Variants in CDH10 observed in about 807,000 individuals in gnomAD.
CDH10 encodes cadherin 10.
Under a neutral mutation model 73.1 loss-of-function variants are expected in CDH10, and 30 were observed. That is an observed-to-expected ratio of 0.41 (90% CI 0.31 to 0.56). CDH10 has a LOEUF of 0.56. CDH10 is among the 20% of genes least tolerant of loss of function. CDH10 has a pLI of 0.27. For missense variants in CDH10, 815 were observed against 973.7 expected, an observed-to-expected ratio of 0.84 and a Z score of 2.17; for synonymous variants, 345 against 348.2, an observed-to-expected ratio of 0.99 and a Z score of 0.10.
intron 8 of CDH10, among the ~76,000 whole-genome samples, chr5:24,501,682 T>TAAAA (rs1742501696): frequency 6.6e-6 from 1 of 152,146 alleles, no homozygotes; most frequent in Non-Finnish European, 1.5e-5. Context: ...TAGAAAAATA[T>TAAAA]AACTGTTTTA....
chr5:24,621,515 T>C (rs1254768667), intron 1 of CDH10, among the ~76,000 whole-genome samples: 1 of 152,056 alleles, frequency 6.6e-6, no homozygotes, highest in Non-Finnish European at 1.5e-5. Context: ...AATAACCACA[T>C]GGAAAAAGTA....
At chr5:24,586,699 C>T (rs921465760) in intron 2 of CDH10, among the ~76,000 whole-genome samples, 2 of 151,740 alleles carry the variant, frequency 1.3e-5, no homozygotes, top group Non-Finnish European at 2.9e-5. Flanking sequence ...CCCGCCTTGA[C>T]CTCCCAAAGT....
chr5:24,619,056 G>A (rs990853787), intron 1 of CDH10, among the ~76,000 whole-genome samples: 11 of 152,174 alleles, frequency 7.2e-5, no homozygotes, highest in Admixed American at 2.0e-4. Flanking sequence ...CTTTTGAAAT[G>A]GTAATGTCTA....
chr5:24,639,356 T>G (rs140502995), intron 1 of CDH10, among the ~76,000 whole-genome samples: 2,081 of 151,772 alleles, frequency 0.014, 46 homozygotes, highest in African/African-American at 0.047. Context: ...GTATTAATAT[T>G]ATGTACAAAA....
intron 5 of CDH10, among the ~76,000 whole-genome samples, chr5:24,527,320 CTT>C (rs35135068): frequency 0.024 from 3,568 of 147,162 alleles, 126 homozygotes; most frequent in African/African-American, 0.074. Context: ...AATATACAGT[CTT>C]ATATATATTT....
Position 24,586,843 on chromosome 5 carries a change from C to CTTTT in CDH10, c.231+6413_231+6416dup, listed in dbSNP as rs1001227038. Among the ~76,000 whole-genome samples the CTTTT allele has an allele frequency of 1.0e-2, 1,022 of 102,704 alleles. 100 individuals carry two copies. The highest frequency in any genetic ancestry group is 0.037 in the African/African-American group (881 of 23,730). The allele number at this position is 102,704 out of a possible 152,430, so 67.4% of individuals were successfully genotyped here. On this transcript the variant is annotated intron_variant, in intron 2 of 11. Transcript: ENST00000264463. The stretch of plus-strand genomic sequence containing the variant: ...GTAAAACAATAAGATAGCCCATATT[C>CTTTT]TTTTTTTTTTTTTTTTTTTGAGCCG...
At chr5:24,609,227 G>T (rs556833947) in intron 1 of CDH10, among the ~76,000 whole-genome samples, 1 of 152,276 alleles carries the variant, frequency 6.6e-6, no homozygotes, top group African/African-American at 2.4e-5. Context: ...ATAGAATGCA[G>T]ATCATCAAAG....
chr5:24,643,935 C>T (rs895638530), intron 1 of CDH10, among the ~76,000 whole-genome samples: 1 of 152,140 alleles, frequency 6.6e-6, no homozygotes, highest in African/African-American at 2.4e-5. Flanking sequence ...CTGCTGACTA[C>T]ATGCATTTAC....
At chr5:24,575,288 G>C (rs1327283073) in intron 2 of CDH10, among the ~76,000 whole-genome samples, 3 of 137,824 alleles carry the variant, frequency 2.2e-5, no homozygotes, top group Non-Finnish European at 3.3e-5. Flanking sequence ...CTTGAACCCG[G>C]GAGGCAGAGG....
intron 1 of CDH10, among the ~76,000 whole-genome samples, chr5:24,599,035 T>C (rs1301613034): frequency 1.3e-5 from 2 of 152,122 alleles, no homozygotes; most frequent in African/African-American, 4.8e-5. Context: ...AAGAATAGCA[T>C]CCAAGAGTTC....
chr5:24,553,559 A>T (rs1744627562), intron 2 of CDH10, among the ~76,000 whole-genome samples: 1 of 152,088 alleles, frequency 6.6e-6, no homozygotes, highest in Non-Finnish European at 1.5e-5. Flanking sequence ...CCTCTATTGA[A>T]ATTTTTATGA....
chr5:24,492,883 C>T lies in CDH10; in HGVS notation c.1558G>A (p.Gly520Ser). Residue 520 changes from glycine (G) to serine (S), a missense_variant, in exon 10 of 12, where the codon GGT becomes AGT. Around this residue, in one of 3 missense-constraint regions of CDH10, gnomAD observed 516 missense variants for 636.6 expected, o/e 0.81. Transcript: ENST00000264463. ...AAACTGAAAAAAAATTTCTGTCCAC[C>T]TAAAGGGTCATCTTTGTCTACTGCA... ...ISAVDKDDPL[G>S]GQKFFFSLAA... 3.2e-6 allele frequency: 5 copies of T among 1,584,148 alleles called. No individual in the cohort carries two copies. Among genetic ancestry groups the T allele is most frequent in the Non-Finnish European group, 4.3e-6 (5 of 1,153,060 alleles).
chr5:24,587,707 A>G (rs1746070494), intron 2 of CDH10, among the ~76,000 whole-genome samples: 1 of 145,530 alleles, frequency 6.9e-6, no homozygotes, highest in South Asian at 2.3e-4. Context: ...CTGTATGTGA[A>G]AAAATGATTG....
intron 2 of CDH10, among the ~76,000 whole-genome samples, chr5:24,592,969 T>C (rs1212766796): frequency 5.9e-5 from 9 of 151,784 alleles, no homozygotes; most frequent in African/African-American, 1.9e-4. Context: ...TATAGGTTTC[T>C]CACTATCATT....
intron 1 of CDH10, among the ~76,000 whole-genome samples, chr5:24,624,267 C>G (rs1297133132): frequency 6.6e-6 from 1 of 152,034 alleles, no homozygotes; most frequent in Non-Finnish European, 1.5e-5. Context: ...TCTGATGCCA[C>G]CCTTGAAAGT....
At chr5:24,508,484 T>C (rs986981814) in intron 7 of CDH10, among the ~76,000 whole-genome samples, 1 of 152,204 alleles carries the variant, frequency 6.6e-6, no homozygotes, top group Non-Finnish European at 1.5e-5. Context: ...TAGGGGAGTT[T>C]CTAAAATCAT....
intron 1 of CDH10, among the ~76,000 whole-genome samples, chr5:24,601,470 T>C (rs1746560939): frequency 6.6e-6 from 1 of 152,152 alleles, no homozygotes; most frequent in Admixed American, 6.6e-5. Context: ...CTAGGAGACA[T>C]CCCAGCTAGC....
chr5:24,505,062 TA>T (rs2111724514), intron 8 of CDH10, 49 bp downstream of exon 8: 1 of 1,258,826 alleles, frequency 7.9e-7, no homozygotes, highest in Non-Finnish European at 1.1e-6. Flanking sequence ...ATAAAATATA[TA>T]AACATAAACA....
At chr5:24,488,668 C>T (rs1034715710) in intron 11 of CDH10, among the ~76,000 whole-genome samples, 1 of 151,828 alleles carries the variant, frequency 6.6e-6, no homozygotes, top group Non-Finnish European at 1.5e-5. Flanking sequence ...TGCTGATGAA[C>T]TTACATATTT....
Sources: gnomAD v4.1 joint callset for allele counts (sites outside exome capture counted in the v4.1 genomes callset) on GRCh38, gnomAD v4.1.1 for gene constraint, gnomAD v4.1.1 regional missense constraint, MANE v1.5 for transcripts, NCBI Gene and HGNC (gene_info 2026-07-23, HGNC 2026-07-21) for gene names.